CNTNAP2: variants seen among roughly 807,000 people sequenced by gnomAD.
CNTNAP2 encodes contactin associated protein 2.
CNTNAP2 carries 98 observed loss-of-function variants against 155.2 expected under a neutral mutation model. That is an observed-to-expected ratio of 0.63 (90% confidence interval 0.54 to 0.75). The LOEUF (loss-of-function observed/expected upper bound fraction) is 0.75. Among genes scored for constraint, CNTNAP2 ranks in the 30% least tolerant of loss-of-function variants. The probability of loss-of-function intolerance (pLI) is 0.00; values close to 1 mark genes in which losing one functional copy is unlikely to be tolerated. For missense variants in CNTNAP2, 1,727 were observed against 1,688.1 expected (o/e 1.02, Z -0.40); for synonymous variants, 651 against 631.2 (o/e 1.03, Z -0.47).
In CNTNAP2 at chr7:146,822,005, A is replaced by G. The variant is rs567973953; in HGVS notation, c.209-17706A>G. Among the ~76,000 whole-genome samples the G allele has an allele frequency of 5.7e-3, 869 of 152,042 alleles. 11 individuals carry two copies. Among genetic ancestry groups the G allele is most frequent in the African/African-American group, 0.02 (827 of 41,460 alleles). On this transcript the variant is annotated intron_variant, in intron 2 of 23. Transcript: ENST00000361727. ...CCAAAGGATTATAAATCATGCTGCT[A>G]TAAAGACACATGCACACGTATGTTT...
chr7:146,288,449 T>C lies in CNTNAP2; in HGVS notation c.97+171476T>C, dbSNP rs1002757970. ...GTCTTTGATAGGTTCTTAGAAACTG[T>C]GACTTTAAGTGAAAGGCTGTATAGC... On this transcript the variant is annotated intron_variant, in intron 1 of 23. Transcript: ENST00000361727. Among the ~76,000 whole-genome samples, 67 of 152,166 alleles carry C rather than the reference T, an allele frequency of 4.4e-4. 1 individual carries two copies. The highest frequency in any genetic ancestry group is 7.4e-5 in the Non-Finnish European group (5 of 68,026).
At chr7:148,173,308 T>C (rs1287394317) in intron 18 of CNTNAP2, among the ~76,000 whole-genome samples, 2 of 152,188 alleles carry the variant, frequency 1.3e-5, no homozygotes, top group African/African-American at 2.4e-5. Context: ...TAAGCCACAA[T>C]TGAAATGCAT....
chr7:147,218,536 T>G (rs1401141483), intron 8 of CNTNAP2, among the ~76,000 whole-genome samples: 1 of 151,184 alleles, frequency 6.6e-6, no homozygotes. Flanking sequence ...TTAATCTCCA[T>G]GTATTTTAGG....
At chr7:146,188,163 C>T (rs917169000) in intron 1 of CNTNAP2, among the ~76,000 whole-genome samples, 2 of 152,042 alleles carry the variant, frequency 1.3e-5, no homozygotes, top group African/African-American at 4.8e-5. Flanking sequence ...CATATTGAAA[C>T]AGGATAAGAA....
intron 13 of CNTNAP2, among the ~76,000 whole-genome samples, chr7:147,761,296 A>T (rs148217721): frequency 6.6e-6 from 1 of 152,188 alleles, no homozygotes; most frequent in Non-Finnish European, 1.5e-5. Flanking sequence ...GTAGATTCCA[A>T]TCAAGATTTT....
chr7:146,499,193 T>C (rs1426503034), intron 1 of CNTNAP2, among the ~76,000 whole-genome samples: 3 of 152,284 alleles, frequency 2.0e-5, no homozygotes, highest in Non-Finnish European at 4.4e-5. Context: ...TGAATATATA[T>C]ATTTATTTAG....
At chr7:147,112,471 G>C (rs1800900343) in intron 5 of CNTNAP2, among the ~76,000 whole-genome samples, 1 of 152,128 alleles carries the variant, frequency 6.6e-6, no homozygotes, top group Non-Finnish European at 1.5e-5. Flanking sequence ...AATGCTTCCA[G>C]CTTTTCCCCA....
chr7:146,373,245 A>G (rs1795260968), intron 1 of CNTNAP2, among the ~76,000 whole-genome samples: 1 of 152,200 alleles, frequency 6.6e-6, no homozygotes, highest in Non-Finnish European at 1.5e-5. Context: ...TGAAGTGGAC[A>G]CGATTCTCTT....
At chr7:148,357,834 T>C (rs1798546094) in intron 21 of CNTNAP2, among the ~76,000 whole-genome samples, 1 of 152,238 alleles carries the variant, frequency 6.6e-6, no homozygotes, top group Non-Finnish European at 1.5e-5. Flanking sequence ...GATTACTTTA[T>C]AGTTAGCATG....
chr7:146,643,054 T>C (rs868489878), intron 1 of CNTNAP2, among the ~76,000 whole-genome samples: 4 of 146,496 alleles, frequency 2.7e-5, no homozygotes, highest in Middle Eastern at 3.4e-3. Flanking sequence ...AGATTCTGGA[T>C]ATTAGCCCTT....
chr7:148,405,314 C>T (rs551389655), intron 22 of CNTNAP2, among the ~76,000 whole-genome samples: 23 of 152,072 alleles, frequency 1.5e-4, no homozygotes, highest in Non-Finnish European at 2.8e-4. Flanking sequence ...TCCTCCCTAG[C>T]TCTTGTCATT....
chr7:148,114,842 G>A (rs1804431708), intron 15 of CNTNAP2, among the ~76,000 whole-genome samples: 1 of 152,186 alleles, frequency 6.6e-6, no homozygotes, highest in South Asian at 2.1e-4. Flanking sequence ...TTTAAAATAA[G>A]TAAAAGCAGA....
chr7:147,629,409 TAA>T (rs1795044187), intron 12 of CNTNAP2, among the ~76,000 whole-genome samples: 1 of 13,564 alleles, frequency 7.4e-5, no homozygotes, highest in Non-Finnish European at 2.8e-4. Flanking sequence ...GTCTCAAAAA[TAA>T]TAATAATAAT....
At chr7:147,193,472 A>G (rs1802721582) in intron 8 of CNTNAP2, among the ~76,000 whole-genome samples, 1 of 152,212 alleles carries the variant, frequency 6.6e-6, no homozygotes, top group Admixed American at 6.5e-5. Flanking sequence ...AAACACAGAG[A>G]AGAAAGATAC....
intron 11 of CNTNAP2, among the ~76,000 whole-genome samples, chr7:147,556,577 G>A (rs1203650917): frequency 6.6e-6 from 1 of 152,168 alleles, no homozygotes; most frequent in African/African-American, 2.4e-5. Context: ...GATGCAGCAG[G>A]AGGGAAATTC....
At position 148,097,701 on chromosome 7, in the gene CNTNAP2, C is replaced by T. The variant is rs368295404; in HGVS notation, c.2384-20417C>T. On this transcript the variant is annotated intron_variant, in intron 15 of 23. Coordinates refer to ENST00000361727, the MANE Select transcript of CNTNAP2 (RefSeq NM_014141.6). Reference sequence around the variant, plus strand: ...ATTTCATCAAGCAGTAACTCTGTCTCCATGTGGATAGCGGTCTTTTGAAGC... The same window carrying T: ...ATTTCATCAAGCAGTAACTCTGTCTTCATGTGGATAGCGGTCTTTTGAAGC... Among the ~76,000 whole-genome samples, 35 of 152,256 alleles carry T rather than the reference C, an allele frequency of 2.3e-4. No individual in the cohort carries two copies. In the East Asian group the frequency reaches 6.2e-3, roughly 27 times the overall value.
At chr7:147,707,050 C>A (rs183274008) in intron 13 of CNTNAP2, among the ~76,000 whole-genome samples, 1 of 151,508 alleles carries the variant, frequency 6.6e-6, no homozygotes, top group Non-Finnish European at 1.5e-5. Context: ...TTTCTGATTT[C>A]TTTGTATTCT....
intron 9 of CNTNAP2, among the ~76,000 whole-genome samples, chr7:147,324,782 T>TTTGTTG (rs1174318696): frequency 2.0e-5 from 3 of 152,110 alleles, no homozygotes; most frequent in Admixed American, 6.6e-5. Flanking sequence ...GGGGGGGCAT[T>TTTGTTG]TTGTTTTTGT....
intron 12 of CNTNAP2, among the ~76,000 whole-genome samples, chr7:147,584,208 G>T (rs1313743235): frequency 6.6e-6 from 1 of 152,158 alleles, no homozygotes; most frequent in African/African-American, 2.4e-5. Flanking sequence ...AAGATTAGAA[G>T]AGCTCTTTTG....
Sources: allele counts gnomAD v4.1 joint callset (sites outside exome capture counted in the v4.1 genomes callset), GRCh38; gene constraint gnomAD v4.1.1; transcripts MANE v1.5; gene names NCBI Gene and HGNC (gene_info 2026-07-23, HGNC 2026-07-21).